Variants in FGF21 observed in about 807,000 individuals in gnomAD.
FGF21 encodes fibroblast growth factor 21.
In FGF21, 13 loss-of-function variants were observed where a neutral mutation model predicts 13.4. The observed-to-expected ratio is 0.97, with a 90% CI of 0.63 to 1.54. The LOEUF (loss-of-function observed/expected upper bound fraction) is 1.54, where lower values mean the gene tolerates loss of function less well. Among genes scored for constraint, FGF21 ranks in the 40% most tolerant of loss-of-function variants. FGF21 has a pLI of 0.00. For synonymous variants in FGF21, 124 were observed against 123.6 expected, an observed-to-expected ratio of 1.00 and a Z score of -0.02; for missense variants, 303 against 272.4, an observed-to-expected ratio of 1.11 and a Z score of -0.79.
intron 3 of FGF21, 131 bp from the exon 4 acceptor site, chr19:48,757,798 CT>C (rs2034134087): frequency 1.3e-6 from 1 of 791,592 alleles, no homozygotes; most frequent in African/African-American, 1.9e-5. Flanking sequence ...GTCTGGACCC[CT>C]GGGTCTGAGG....
At chr19:48,756,629 TCTGGGCCCCTGGGTCTGAG>T (rs2034103716) in intron 2 of FGF21, among the ~76,000 whole-genome samples, 158 bp downstream of exon 2, 1 of 53,844 alleles carries the variant, frequency 1.9e-5, no homozygotes, top group African/African-American at 5.9e-5. Context: ...GGGCTGGGGA[TCTGGGCCCCTGGGTCTGAG>T]GGAGGAGGGG....
At position 48,758,288 on chromosome 19, in the gene FGF21, A is replaced by AT; in HGVS notation, c.*73dup. 7.4e-7 allele frequency: 1 copy of AT among 1,355,012 alleles called. No homozygotes were observed. Among genetic ancestry groups the AT allele is most frequent in the South Asian group, 1.6e-5 (1 of 61,908 alleles). The allele number at this position is 1,355,012 out of a possible 1,614,324, so 83.9% of individuals were successfully genotyped here. A position where few individuals can be genotyped will look rare whatever the true frequency, so the allele number is the denominator to read the frequency against. ...GGTTATTTATCTTATTTATTTTTTT[A>AT]TTTTTCTTACTTGAGATAATAAAGA... On this transcript the variant is annotated 3_prime_UTR_variant, in exon 4 of 4. Transcript: ENST00000593756.
At chr19:48,756,810 C>T in intron 2 of FGF21, 116 bp from the exon 3 acceptor site, 1 of 823,440 alleles carries the variant, frequency 1.2e-6, no homozygotes, top group Non-Finnish European at 2.0e-6. Flanking sequence ...AGGAGGTAGG[C>T]TGTGGGCTTG....
At position 48,758,040 on chromosome 19, in the gene FGF21, G is replaced by C. The variant is rs1378656774; in HGVS notation, c.450G>C (p.Lys150Asn). Residue 150 changes from lysine (K) to asparagine (N), a missense_variant, in exon 4 of 4, where the codon AAG (lysine) becomes AAC (asparagine). Lys to Asn is a moderately conservative substitution (Grantham distance 94). Transcript: ENST00000593756. ...TCCCGCTGCACCTGCCAGGGAACAA[G>C]TCCCCACACCGGGACCCTGCACCCC... ...HGLPLHLPGN[K>N]SPHRDPAPRG... The C allele has an allele frequency of 5.0e-6, 8 of 1,613,338 alleles. No homozygotes were observed. The highest frequency in any genetic ancestry group is 2.2e-5 in the East Asian group (1 of 44,836).
At chr19:48,756,736 G>A (rs1313346120) in intron 2 of FGF21, among the ~76,000 whole-genome samples, 190 bp from the exon 3 acceptor site, 6 of 151,826 alleles carry the variant, frequency 4.0e-5, no homozygotes, top group Admixed American at 2.6e-4. Flanking sequence ...AAGGGCTGGG[G>A]TCCTGGACTC....
chr19:48,756,552 G>A (rs2034099437), intron 2 of FGF21, 81 bp downstream of exon 2: 14 of 1,396,334 alleles, frequency 1.0e-5, no homozygotes, highest in African/African-American at 1.4e-5. Context: ...GAGGGGCTGG[G>A]GGCCTTGGCC....
Position 48,756,278 on chromosome 19 carries a change from G to A in FGF21, c.42G>A (p.Trp14Ter). The A allele has an allele frequency of 6.2e-7, 1 of 1,614,116 alleles. No homozygotes were observed. The change falls in exon 2 of 4, where the codon TGG becomes TGA. Residue 14 changes from tryptophan to a stop codon, truncating the protein, a stop_gained. Transcript: ENST00000593756. LOFTEE classifies it high-confidence loss of function. ...DETGFEHSGL[W>*]VSVLAGLLLG... is the part of the protein sequence containing the mutation. The stretch of plus-strand genomic sequence containing the variant: ...CCGGGTTCGAGCACTCAGGACTGTG[G>A]GTTTCTGTGCTGGCTGGTCTTCTGC...
rs2034100478 is a variant in FGF21 at position 48,756,567 on chromosome 19, GGTCT to G, written c.235+98_235+101del. On this transcript the variant is annotated intron_variant, in intron 2 of 3. Coordinates refer to ENST00000593756, the MANE Select transcript of FGF21 (RefSeq NM_019113.4). Reference sequence around the variant, plus strand: ...GAGGGGCTGGGGGCCTTGGCCCCTGGGTCTGAGGGAGGAGGGGCTGGGGATCTGG... The same window carrying G: ...GAGGGGCTGGGGGCCTTGGCCCCTGGGAGGGAGGAGGGGCTGGGGATCTGG... 4 of 383,770 alleles carry G rather than the reference GGTCT, an allele frequency of 1.0e-5. No individual in the cohort carries two copies. The African/African-American group carries it at 1.2e-4, about 11-fold the overall frequency. 23.8% of individuals were successfully genotyped at this position (383,770 alleles called of 1,614,324 possible).
chr19:48,756,822 A>G (rs982791793), intron 2 of FGF21, 104 bp from the exon 3 acceptor site: 3 of 907,878 alleles, frequency 3.3e-6, no homozygotes, highest in African/African-American at 3.3e-5. Flanking sequence ...GTGGGCTTGG[A>G]CTCCCAGGGC....
In FGF21 at chr19:48,756,251, G is replaced by T. The variant is rs1432613460; in HGVS notation, c.15G>T (p.Glu5Asp). ...CCGAGCCATTGATGGACTCGGACGA[G>T]ACCGGGTTCGAGCACTCAGGACTGT... MDSD[E>D]TGFEHSGLWV... The change falls in exon 2 of 4, where the codon GAG (glutamate) becomes GAT (aspartate). Residue 5 changes from glutamate (E) to aspartate (D), a missense_variant. Glu to Asp is a conservative substitution (Grantham distance 45). Transcript: ENST00000593756. 2 of 1,613,686 alleles carry T rather than the reference G, an allele frequency of 1.2e-6. No individual in the cohort carries two copies. Among genetic ancestry groups the T allele is most frequent in the South Asian group, 1.1e-5 (1 of 91,076 alleles).
At chr19:48,757,560 G>A (rs767149098) in intron 3 of FGF21, among the ~76,000 whole-genome samples, 1 of 151,960 alleles carries the variant, frequency 6.6e-6, no homozygotes, top group Middle Eastern at 3.4e-3. Flanking sequence ...TCCTAGAGGA[G>A]GGGCTGGGGG....
At chr19:48,757,176 T>C (rs1248889611) in intron 3 of FGF21, 147 bp downstream of exon 3, 4 of 650,208 alleles carry the variant, frequency 6.2e-6, no homozygotes, top group Non-Finnish European at 1.1e-5. Context: ...CATTTGGAGG[T>C]TGAAGTTGTC....
chr19:48,757,349 A>T (rs1239090771), intron 3 of FGF21, among the ~76,000 whole-genome samples: 1 of 152,184 alleles, frequency 6.6e-6, no homozygotes, highest in African/African-American at 2.4e-5. Flanking sequence ...TGCACGGCTC[A>T]TGCTGGGCAC....
chr19:48,756,361 G>T lies in FGF21; in HGVS notation c.125G>T (p.Gly42Val), dbSNP rs755282525. ...PDSSPLLQFG[G>V]QVRQRYLYTD... ...TCCAGTCCTCTCCTGCAATTCGGGG[G>T]CCAAGTCCGGCAGCGGTACCTCTAC... is the stretch of plus-strand genomic sequence containing the variant. Residue 42 changes from glycine (G) to valine (V), a missense_variant, in exon 2 of 4, where the codon GGC becomes GTC. Gly to Val is a moderately radical substitution (Grantham distance 109). Transcript: ENST00000593756. 3.7e-6 allele frequency: 6 copies of T among 1,613,888 alleles called. No individual in the cohort carries two copies. In the South Asian group the frequency reaches 4.4e-5, roughly 12 times the overall value.
intron 2 of FGF21, 121 bp from the exon 3 acceptor site, chr19:48,756,805 G>A (rs1460989308): frequency 7.5e-6 from 6 of 801,244 alleles, no homozygotes; most frequent in Non-Finnish European, 1.3e-5. Flanking sequence ...GAGGGAGGAG[G>A]TAGGCTGTGG....
intron 2 of FGF21, 48 bp from the exon 3 acceptor site, chr19:48,756,878 C>A (rs572130271): frequency 7.6e-6 from 11 of 1,450,470 alleles, no homozygotes; most frequent in Non-Finnish European, 1.1e-5. Flanking sequence ...GTGGGACAGT[C>A]CCGGGTGGGA....
Position 48,756,842 on chromosome 19 carries a change from G to C in FGF21, c.236-84G>C, listed in dbSNP as rs956845378. 5 of 1,104,178 alleles carry C rather than the reference G, an allele frequency of 4.5e-6. No individual in the cohort carries two copies. The Admixed American group carries it at 7.1e-5, about 16-fold the overall frequency. The allele number at this position is 1,104,178 out of a possible 1,614,324, so 68.4% of individuals were successfully genotyped here. On this transcript the variant is annotated intron_variant, in intron 2 of 3. Coordinates refer to ENST00000593756, the MANE Select transcript of FGF21 (RefSeq NM_019113.4). ...CTTGGACTCCCAGGGCTGGGACAGA[G>C]CCGGATGGTGGGACAGAGTCGGGTG...
Position 48,756,976 on chromosome 19 carries a change from G to A in FGF21, c.286G>A (p.Val96Ile). ...GCCGGGAGTTATTCAAATCTTGGGAGTCAAGACATCCAGGTTCCTGTGCCA... is the reference window on the plus strand; with the variant it reads ...GCCGGGAGTTATTCAAATCTTGGGAATCAAGACATCCAGGTTCCTGTGCCA... ...LKPGVIQILGVKTSRFLCQRP... is the reference protein window; with the variant it reads ...LKPGVIQILGIKTSRFLCQRP... Residue 96 changes from valine to isoleucine, a missense_variant, in exon 3 of 4, where the codon GTC becomes ATC. Transcript: ENST00000593756. 6.2e-7 allele frequency: 1 copy of A among 1,614,120 alleles called. No individual in the cohort carries two copies. The highest frequency in any genetic ancestry group is 8.5e-7 in the Non-Finnish European group (1 of 1,179,998).
chr19:48,757,140 T>C, intron 3 of FGF21, 111 bp downstream of exon 3: 1 of 780,924 alleles, frequency 1.3e-6, no homozygotes, highest in Non-Finnish European at 2.2e-6. Flanking sequence ...CTTGATTCTA[T>C]TTGCTCTGCA....
Sources: gnomAD v4.1 joint callset for allele counts (sites outside exome capture counted in the v4.1 genomes callset) on GRCh38, gnomAD v4.1.1 for gene constraint, MANE v1.5 for transcripts, NCBI Gene and HGNC (gene_info 2026-07-23, HGNC 2026-07-21) for gene names.